Variants in AGMO observed in about 807,000 individuals in gnomAD.
AGMO encodes glyceryl-ether monooxygenase.
A neutral mutation model predicts 60.2 loss-of-function variants in AGMO; 75 were observed. That is an observed-to-expected ratio of 1.25 (90% CI 1.03 to 1.51). The LOEUF is 1.51. Among genes scored for constraint, AGMO ranks in the 40% most tolerant of loss-of-function variants. AGMO has a pLI of 0.00. For synonymous variants in AGMO, 261 were observed against 177.1 expected (o/e 1.47, Z -3.76); for missense variants, 763 against 525.5 (o/e 1.45, Z -4.42).
chr7:15,240,495 G>A (rs950415494), intron 12 of AGMO, among the ~76,000 whole-genome samples: 1 of 152,062 alleles, frequency 6.6e-6, no homozygotes, highest in Non-Finnish European at 1.5e-5. Flanking sequence ...ATACACGTAG[G>A]CTGCCAGTTT....
At position 15,425,841 on chromosome 7, in the gene AGMO, A is replaced by G. The variant is rs145266355; in HGVS notation, c.513+5164T>C. On this transcript the variant is annotated intron_variant, in intron 4 of 12. Coordinates refer to ENST00000342526, the MANE Select transcript of AGMO (RefSeq NM_001004320.2). ...GCTAAATCTTATAAAATTAATTTCA[A>G]TACCAACGTAGAGAACATAGCAATT... 4.3e-3 allele frequency among the ~76,000 whole-genome samples: 650 copies of G among 152,312 alleles called. 5 individuals are homozygous for G. Among genetic ancestry groups the G allele is most frequent in the African/African-American group, 0.015 (623 of 41,570 alleles).
At chr7:15,193,627 G>A in the AGMO span, among the ~76,000 whole-genome samples, 14 of 151,990 alleles carry the variant, frequency 9.2e-5, 1 homozygote, top group Admixed American at 5.9e-4. Context: ...TGCAAGCTTC[G>A]TTTTCAATAA....
At chr7:15,447,728 T>G (rs4130420) in intron 3 of AGMO, among the ~76,000 whole-genome samples, 95,806 of 151,528 alleles carry the variant, frequency 0.63, 30,946 homozygotes, top group Non-Finnish European at 0.7. Flanking sequence ...ATTTTTTTTT[T>G]TTTCAGTAGA....
the AGMO span, among the ~76,000 whole-genome samples, chr7:15,131,387 T>TA: frequency 6.6e-6 from 1 of 152,102 alleles, no homozygotes; most frequent in African/African-American, 2.4e-5. Context: ...AGCTCCAACT[T>TA]ACAAACCTCA....
chr7:15,356,142 G>A (rs187906765), intron 12 of AGMO, among the ~76,000 whole-genome samples: 2 of 152,088 alleles, frequency 1.3e-5, no homozygotes, highest in South Asian at 2.1e-4. Flanking sequence ...AAACAACTTG[G>A]CATCAGCTAA....
At chr7:15,346,315 G>C (rs182840332) in intron 12 of AGMO, among the ~76,000 whole-genome samples, 1 of 152,080 alleles carries the variant, frequency 6.6e-6, no homozygotes, top group Non-Finnish European at 1.5e-5. Flanking sequence ...CATTGGGAAA[G>C]AGGTAACAGC....
intron 12 of AGMO, among the ~76,000 whole-genome samples, chr7:15,203,870 G>C (rs1245894232): frequency 1.3e-5 from 2 of 152,092 alleles, no homozygotes; most frequent in Non-Finnish European, 2.9e-5. Context: ...CATCCATAGT[G>C]AATTCATTTC....
At chr7:15,519,685 C>T (rs990754229) in intron 3 of AGMO, among the ~76,000 whole-genome samples, 14 of 152,090 alleles carry the variant, frequency 9.2e-5, no homozygotes, top group Non-Finnish European at 1.5e-4. Flanking sequence ...AAAACCAGTA[C>T]CAGCCACTGC....
At chr7:15,394,624 G>C (rs1384586984) in intron 5 of AGMO, among the ~76,000 whole-genome samples, 1 of 152,140 alleles carries the variant, frequency 6.6e-6, no homozygotes, top group African/African-American at 2.4e-5. Context: ...TTGCATTATA[G>C]TTTTTGCCTT....
chr7:15,128,366 T>C, the AGMO span, among the ~76,000 whole-genome samples: 48 of 152,248 alleles, frequency 3.2e-4, no homozygotes, highest in South Asian at 8.7e-3. Flanking sequence ...ACCAGTACAA[T>C]AGAAGATATG....
At chr7:15,250,758 T>C (rs1183874823) in intron 12 of AGMO, among the ~76,000 whole-genome samples, 3 of 151,858 alleles carry the variant, frequency 2.0e-5, no homozygotes, top group African/African-American at 7.3e-5. Context: ...TGGCCAACAG[T>C]AGAGGTGAAA....
chr7:15,537,742 T>A (rs1784518068), intron 3 of AGMO, among the ~76,000 whole-genome samples: 1 of 152,180 alleles, frequency 6.6e-6, no homozygotes, highest in South Asian at 2.1e-4. Flanking sequence ...TTTTTTCAAA[T>A]GTACTTTCTA....
chr7:15,449,178 T>A (rs529685136), intron 3 of AGMO, among the ~76,000 whole-genome samples: 1 of 152,290 alleles, frequency 6.6e-6, no homozygotes, highest in Admixed American at 6.5e-5. Flanking sequence ...TAGTGCCAGA[T>A]TAGTTGTGCA....
chr7:15,178,725 G>T, the AGMO span, among the ~76,000 whole-genome samples: 1 of 152,136 alleles, frequency 6.6e-6, no homozygotes, highest in East Asian at 1.9e-4. Context: ...AATACCAGAA[G>T]GAAGGAGGCT....
At chr7:15,295,008 T>A (rs1022722914) in intron 12 of AGMO, among the ~76,000 whole-genome samples, 4 of 151,832 alleles carry the variant, frequency 2.6e-5, no homozygotes, top group Admixed American at 2.6e-4. Flanking sequence ...GGGAACCAAA[T>A]ATATTTTTTA....
chr7:15,177,098 G>A, the AGMO span, among the ~76,000 whole-genome samples: 1 of 129,836 alleles, frequency 7.7e-6, no homozygotes, highest in Non-Finnish European at 1.8e-5. Flanking sequence ...TAAAATAAGG[G>A]GAGGAAAAAA....
intron 12 of AGMO, among the ~76,000 whole-genome samples, chr7:15,205,298 G>A (rs1285969695): frequency 6.6e-6 from 1 of 152,098 alleles, no homozygotes; most frequent in Admixed American, 6.5e-5. Flanking sequence ...TGGTAGTGAT[G>A]AAATAAGACT....
chr7:15,217,924 G>C (rs917317883), intron 12 of AGMO, among the ~76,000 whole-genome samples: 4 of 151,870 alleles, frequency 2.6e-5, no homozygotes, highest in African/African-American at 9.7e-5. Context: ...CGATTCAGGG[G>C]TACATATGAA....
intron 9 of AGMO, among the ~76,000 whole-genome samples, chr7:15,386,341 C>A (rs1340012885): frequency 6.6e-6 from 1 of 152,050 alleles, no homozygotes; most frequent in African/African-American, 2.4e-5. Context: ...TTTAAGTTTC[C>A]CCAAAATGCT....
Sources: gnomAD v4.1 joint callset for allele counts (sites outside exome capture counted in the v4.1 genomes callset) on GRCh38, gnomAD v4.1.1 for gene constraint, MANE v1.5 for transcripts, NCBI Gene and HGNC (gene_info 2026-07-23, HGNC 2026-07-21) for gene names.